WASF3: variants seen among roughly 807,000 people sequenced by gnomAD.
WASF3 encodes the protein actin-binding protein WASF3.
WASF3 carries 11 observed loss-of-function variants against 46.6 expected under a neutral mutation model. The observed-to-expected ratio is 0.24, with a 90% confidence interval of 0.15 to 0.39. The LOEUF (loss-of-function observed/expected upper bound fraction) is 0.39. WASF3 is among the 10% of genes least tolerant of loss of function. WASF3 has a pLI of 1.00. For synonymous variants in WASF3, 242 were observed against 259.7 expected, an observed-to-expected ratio of 0.93 and a Z score of 0.65; for missense variants, 576 against 669.8, an observed-to-expected ratio of 0.86 and a Z score of 1.55.
chr13:26,588,801 A>T (rs1880206075), intron 1 of WASF3, among the ~76,000 whole-genome samples: 1 of 151,736 alleles, frequency 6.6e-6, no homozygotes, highest in African/African-American at 2.4e-5. Flanking sequence ...TTTCTTCTAT[A>T]ATTTATTTAT....
At chr13:26,597,165 C>G (rs1478599162) in intron 1 of WASF3, among the ~76,000 whole-genome samples, 2 of 152,192 alleles carry the variant, frequency 1.3e-5, no homozygotes, top group Non-Finnish European at 2.9e-5. Flanking sequence ...AGACATCTCA[C>G]TCTGTCACCC....
Position 26,682,964 on chromosome 13 carries a change from T to C in WASF3, c.1341T>C (p.Ala447=), listed in dbSNP as rs757434487. The C allele has an allele frequency of 9.4e-6, 15 of 1,603,224 alleles. No individual in the cohort carries two copies. Among genetic ancestry groups the C allele is most frequent in the Non-Finnish European group, 1.1e-5 (13 of 1,179,764 alleles). Residue 447 remains alanine, a synonymous_variant, in exon 9 of 10, where the codon GCT becomes GCC. Coordinates refer to ENST00000335327, the MANE Select transcript of WASF3 (RefSeq NM_006646.6). The surrounding 1 kb of genome is among the most constrained non-coding windows in gnomAD (Gnocchi z 4.4). ...ATGCTCGAAGCGACCTCCTCGCTGC[T>C]ATTCGAATGGGTAAGTGGAGCCCCC... ...ISDARSDLLA[A]IRMGIQLKKV...
At chr13:26,554,724 C>A (rs572526351), upstream of WASF3, among the ~76,000 whole-genome samples, 1 of 152,314 alleles carries the variant, frequency 6.6e-6, no homozygotes, top group African/African-American at 2.4e-5. Context: ...GGCTTGATAG[C>A]TCATTTCTTT....
chr13:26,581,266 C>T (rs184033808), intron 1 of WASF3, among the ~76,000 whole-genome samples: 18 of 152,010 alleles, frequency 1.2e-4, no homozygotes, highest in African/African-American at 3.9e-4. Flanking sequence ...TTGAAAGTAT[C>T]GGTTGTGATA....
chr13:26,612,366 T>C (rs552033185), intron 1 of WASF3, among the ~76,000 whole-genome samples: 1 of 152,336 alleles, frequency 6.6e-6, no homozygotes, highest in Non-Finnish European at 1.5e-5. Flanking sequence ...CTCTAGCACA[T>C]TGGTATACAA....
At chr13:26,549,714 A>G in the WASF3 span, among the ~76,000 whole-genome samples, 1 of 152,364 alleles carries the variant, frequency 6.6e-6, no homozygotes, top group Non-Finnish European at 1.5e-5. Context: ...TAAAATTTTA[A>G]AAACACCTAA....
intron 3 of WASF3, among the ~76,000 whole-genome samples, chr13:26,655,120 C>T (rs1882428764): frequency 6.6e-6 from 1 of 152,180 alleles, no homozygotes; most frequent in African/African-American, 2.4e-5. Context: ...CACTTTCCCA[C>T]CATACAAATG....
intron 3 of WASF3, among the ~76,000 whole-genome samples, chr13:26,650,687 G>T (rs1315861876): frequency 6.6e-6 from 1 of 152,114 alleles, no homozygotes; most frequent in Non-Finnish European, 1.5e-5. Flanking sequence ...GCAGAGAAAT[G>T]GAAATCATTT....
chr13:26,675,850 A>G (rs1883053934), intron 6 of WASF3, among the ~76,000 whole-genome samples: 1 of 152,224 alleles, frequency 6.6e-6, no homozygotes, highest in African/African-American at 2.4e-5. Flanking sequence ...AAATAAAGAC[A>G]CATGATTCTC....
intron 3 of WASF3, among the ~76,000 whole-genome samples, chr13:26,660,909 A>G (rs1882610484): frequency 1.3e-5 from 2 of 152,164 alleles, no homozygotes; most frequent in East Asian, 1.9e-4. Context: ...GTTTCCGCTC[A>G]TGAAGGAAGG....
At chr13:26,681,460 T>A in intron 8 of WASF3, 140 bp downstream of exon 8, 1 of 1,051,308 alleles carries the variant, frequency 9.5e-7, no homozygotes, top group Non-Finnish European at 1.3e-6. Flanking sequence ...CTAGCAACTC[T>A]AACATTCTGT....
At chr13:26,664,816 A>T (rs1041087271) in intron 3 of WASF3, among the ~76,000 whole-genome samples, 5 of 152,264 alleles carry the variant, frequency 3.3e-5, no homozygotes, top group African/African-American at 1.2e-4. Context: ...GGGATATTTT[A>T]AAATTCTACA....
chr13:26,576,956 C>G, intron 1 of WASF3: 1 of 743,572 alleles, frequency 1.3e-6, no homozygotes, highest in South Asian at 1.5e-5. Context: ...GTGGTTGATC[C>G]ATTTTCTAAG....
intron 1 of WASF3, among the ~76,000 whole-genome samples, chr13:26,576,609 C>G (rs116042039): frequency 2.6e-3 from 398 of 152,238 alleles, no homozygotes; most frequent in African/African-American, 8.3e-3. Flanking sequence ...AACTTATGTA[C>G]TTACTATCTC....
intron 2 of WASF3, among the ~76,000 whole-genome samples, chr13:26,631,163 A>G (rs1464113118): frequency 6.6e-6 from 1 of 152,038 alleles, no homozygotes; most frequent in African/African-American, 2.4e-5. Context: ...GTTTAATTAG[A>G]TCCCATTTGT....
At chr13:26,593,594 A>G (rs1273460842) in intron 1 of WASF3, among the ~76,000 whole-genome samples, 1 of 152,104 alleles carries the variant, frequency 6.6e-6, no homozygotes, top group Non-Finnish European at 1.5e-5. Context: ...ATTTCATGTC[A>G]TATTTTCTTG....
At chr13:26,676,776 T>A (rs149355321) in intron 7 of WASF3, 52 bp downstream of exon 7, 18 of 1,521,364 alleles carry the variant, frequency 1.2e-5, no homozygotes, top group Middle Eastern at 3.5e-4. Context: ...AACTGGGTAC[T>A]ACCTGGTTTT....
chr13:26,634,440 A>G (rs1304232391), intron 2 of WASF3, among the ~76,000 whole-genome samples: 1 of 152,132 alleles, frequency 6.6e-6, no homozygotes, highest in East Asian at 1.9e-4. Context: ...CTTTTTATCC[A>G]GTTTGCCAGT....
chr13:26,666,114 T>G (rs1882763095), intron 4 of WASF3, among the ~76,000 whole-genome samples: 1 of 152,194 alleles, frequency 6.6e-6, no homozygotes, highest in Admixed American at 6.5e-5. Context: ...AAAATTTGAT[T>G]AGTGAATTAC....
Sources: gnomAD v4.1 joint callset for allele counts (sites outside exome capture counted in the v4.1 genomes callset) on GRCh38, gnomAD v4.1.1 for gene constraint, Gnocchi (gnomAD v3.1) non-coding constraint, MANE v1.5 for transcripts, NCBI Gene and HGNC (gene_info 2026-07-23, HGNC 2026-07-21) for gene names.